The following OR1J2 variants were observed in gnomAD, a reference collection of about 807,000 sequenced individuals.
The protein encoded by OR1J2 is olfactory receptor 1J2.
For synonymous variants in OR1J2, 142 were observed against 99.7 expected (o/e 1.42, Z -2.52); for missense variants, 304 against 246.1 (o/e 1.24, Z -1.57).
At chr9:122,472,078 A>C in the OR1J2 span, among the ~76,000 whole-genome samples, 9 of 152,336 alleles carry the variant, frequency 5.9e-5, no homozygotes, top group Admixed American at 2.6e-4. Flanking sequence ...CTGGGAACGC[A>C]GGGTGCATAA....
chr9:122,513,502 C>T (rs920275462), downstream of OR1J2, among the ~76,000 whole-genome samples: 2 of 150,874 alleles, frequency 1.3e-5, no homozygotes, highest in Non-Finnish European at 2.9e-5. Context: ...CCTGAACTTC[C>T]ATTGTTCATG....
chr9:122,526,691 T>C, the OR1J2 span: 1 of 1,614,028 alleles, frequency 6.2e-7, no homozygotes, highest in South Asian at 1.1e-5. Context: ...GTACGGTGCC[T>C]CCCAAGACAA....
chr9:122,536,522 C>T, the OR1J2 span, among the ~76,000 whole-genome samples: 1 of 152,160 alleles, frequency 6.6e-6, no homozygotes, highest in Non-Finnish European at 1.5e-5. Flanking sequence ...CAGCGATGAC[C>T]AACACTGCCC....
chr9:122,519,092 C>A, the OR1J2 span: 2 of 1,298,488 alleles, frequency 1.5e-6, no homozygotes, highest in South Asian at 1.4e-5. Flanking sequence ...TTGTTTGTTT[C>A]TGCCTTTTTC....
chr9:122,517,263 T>G, the OR1J2 span, among the ~76,000 whole-genome samples: 1 of 152,256 alleles, frequency 6.6e-6, no homozygotes, highest in Non-Finnish European at 1.5e-5. Flanking sequence ...GACACTAGGC[T>G]CTATCCTTAA....
At chr9:122,573,491 T>A in the OR1J2 span, among the ~76,000 whole-genome samples, 8 of 152,238 alleles carry the variant, frequency 5.3e-5, no homozygotes, top group Non-Finnish European at 7.3e-5. Flanking sequence ...ATTTCCCAGA[T>A]GACATGAGAT....
At chr9:122,554,695 G>A in the OR1J2 span, among the ~76,000 whole-genome samples, 1 of 152,166 alleles carries the variant, frequency 6.6e-6, no homozygotes, top group African/African-American at 2.4e-5. Flanking sequence ...GACAAGGAAG[G>A]TGTGAGTGTA....
the OR1J2 span, chr9:122,526,899 G>A: frequency 6.2e-7 from 1 of 1,614,220 alleles, no homozygotes; most frequent in Admixed American, 1.7e-5. Flanking sequence ...CCTCATGACT[G>A]TGGAGTAGCA....
chr9:122,482,277 ATAAC>A, the OR1J2 span, among the ~76,000 whole-genome samples: 1 of 152,188 alleles, frequency 6.6e-6, no homozygotes, highest in East Asian at 1.9e-4. Flanking sequence ...AACCACTTAT[ATAAC>A]TAATTATTAA....
chr9:122,575,380 T>C, the OR1J2 span, among the ~76,000 whole-genome samples: 1 of 152,168 alleles, frequency 6.6e-6, no homozygotes, highest in Non-Finnish European at 1.5e-5. Context: ...GATACAGTTC[T>C]ATCAATTTCA....
At chr9:122,524,228 C>T in the OR1J2 span, among the ~76,000 whole-genome samples, 6,355 of 152,230 alleles carry the variant, frequency 0.042, 393 homozygotes, top group East Asian at 0.3. Context: ...AGGTTTGTAG[C>T]CTGGGAGCAT....
the OR1J2 span, among the ~76,000 whole-genome samples, chr9:122,541,576 A>G: frequency 3.3e-5 from 5 of 152,222 alleles, no homozygotes; most frequent in South Asian, 1.0e-3. Flanking sequence ...AGAGAATTAC[A>G]TAACAACGTA....
At chr9:122,469,377 T>A in the OR1J2 span, among the ~76,000 whole-genome samples, 66 of 152,320 alleles carry the variant, frequency 4.3e-4, no homozygotes, top group African/African-American at 1.4e-3. Flanking sequence ...GTTTCTACTT[T>A]TGCGTCTTCC....
the OR1J2 span, among the ~76,000 whole-genome samples, chr9:122,496,848 G>T: frequency 6.6e-6 from 1 of 152,168 alleles, no homozygotes; most frequent in Admixed American, 6.5e-5. Flanking sequence ...TGAATAAAAT[G>T]ATAGGCAGGT....
the OR1J2 span, among the ~76,000 whole-genome samples, chr9:122,575,115 A>G: frequency 3.7e-3 from 570 of 152,162 alleles, 1 homozygote; most frequent in Non-Finnish European, 6.0e-3. Context: ...TTTTGTTTAG[A>G]GTTATGCATG....
the OR1J2 span, among the ~76,000 whole-genome samples, chr9:122,522,606 T>TGTAA: frequency 6.6e-6 from 1 of 151,970 alleles, no homozygotes; most frequent in Admixed American, 6.6e-5. Flanking sequence ...TGTGTGTGTG[T>TGTAA]AACTCACATA....
the OR1J2 span, among the ~76,000 whole-genome samples, chr9:122,546,577 G>A: frequency 2.0e-5 from 3 of 152,032 alleles, no homozygotes; most frequent in South Asian, 6.2e-4. Context: ...AAATGCTACG[G>A]ATACAACTAG....
At chr9:122,523,910 G>C in the OR1J2 span, among the ~76,000 whole-genome samples, 1 of 152,166 alleles carries the variant, frequency 6.6e-6, no homozygotes, top group South Asian at 2.1e-4. Context: ...AGCATGCCCT[G>C]CTCATTACCC....
the OR1J2 span, among the ~76,000 whole-genome samples, chr9:122,480,443 ATTTC>A: frequency 6.6e-6 from 1 of 152,002 alleles, no homozygotes; most frequent in African/African-American, 2.4e-5. Flanking sequence ...GTTAAAACAT[ATTTC>A]TTTCTAACTT....
Sources: gnomAD v4.1 joint callset for allele counts (sites outside exome capture counted in the v4.1 genomes callset) on GRCh38, gnomAD v4.1.1 for gene constraint, MANE v1.5 for transcripts, NCBI Gene and HGNC (gene_info 2026-07-23, HGNC 2026-07-21) for gene names.